SLC12A6: variants seen among roughly 807,000 people sequenced by gnomAD.
SLC12A6 encodes the protein K-Cl cotransporter 3.
In SLC12A6, 66 loss-of-function variants were observed where a neutral mutation model predicts 135.3. That is an observed-to-expected ratio of 0.49 (90% CI 0.40 to 0.60). The LOEUF is 0.60. Among genes scored for constraint, SLC12A6 ranks in the 20% least tolerant of loss-of-function variants. SLC12A6 has a pLI of 0.00. For synonymous variants in SLC12A6, 513 were observed against 508.8 expected (o/e 1.01, Z -0.11); for missense variants, 1,058 against 1,452.3 (o/e 0.73, Z 4.41).
At chr15:34,292,249 G>A (rs1300565950) in intron 2 of SLC12A6, among the ~76,000 whole-genome samples, 1 of 152,126 alleles carries the variant, frequency 6.6e-6, no homozygotes, top group East Asian at 1.9e-4. Context: ...AGGCCACTCA[G>A]CTGCAGGTCT....
intron 13 of SLC12A6, among the ~76,000 whole-genome samples, chr15:34,249,871 A>G (rs966956762): frequency 6.6e-6 from 1 of 152,128 alleles, no homozygotes; most frequent in African/African-American, 2.4e-5. Context: ...CTACATTCAT[A>G]TATTTTCTTA....
At position 34,337,436 on chromosome 15, in the gene SLC12A6, G is replaced by A. The variant is rs191457113; in HGVS notation, c.-177C>T. On this transcript the variant is annotated 5_prime_UTR_variant, in exon 1 of 26. Transcript: ENST00000354181. The stretch of plus-strand genomic sequence containing the variant: ...CGCCCGCTCTTCTCCTAGCAGAAAG[G>A]TCCTCGGGGTCTGGGAGGAGGTTAG... The A allele has an allele frequency of 1.3e-5, 2 of 153,638 alleles. No homozygotes were observed. The highest frequency in any genetic ancestry group is 1.3e-4 in the Admixed American group (2 of 15,438). 9.5% of individuals were successfully genotyped at this position (153,638 alleles called of 1,614,324 possible).
chr15:34,272,251 G>A (rs950613810), intron 3 of SLC12A6, among the ~76,000 whole-genome samples: 4 of 152,150 alleles, frequency 2.6e-5, no homozygotes, highest in Non-Finnish European at 4.4e-5. Context: ...TTACAGGCGT[G>A]GTGAACCACG....
intron 3 of SLC12A6, among the ~76,000 whole-genome samples, chr15:34,263,450 T>C (rs1357966320): frequency 6.6e-6 from 1 of 152,030 alleles, no homozygotes; most frequent in Non-Finnish European, 1.5e-5. Context: ...GAAAAAAAAT[T>C]ATGTCATTTA....
chr15:34,251,198 TAC>T (rs1437759303), intron 10 of SLC12A6, 141 bp from the exon 11 acceptor site: 1 of 678,290 alleles, frequency 1.5e-6, no homozygotes, highest in Non-Finnish European at 2.6e-6. Flanking sequence ...AGCACATGTA[TAC>T]ACACACATTG....
At chr15:34,242,300 C>A in intron 16 of SLC12A6, 79 bp from the exon 17 acceptor site, 1 of 1,008,532 alleles carries the variant, frequency 9.9e-7, no homozygotes, top group Non-Finnish European at 1.6e-6. Flanking sequence ...CTCAAACTAT[C>A]TGTGGTGAGG....
intron 3 of SLC12A6, among the ~76,000 whole-genome samples, chr15:34,266,480 C>T (rs376932540): frequency 3.4e-4 from 52 of 152,066 alleles, no homozygotes; most frequent in African/African-American, 1.2e-3. Context: ...CTCACTCTTA[C>T]GCCCAGGCTG....
At position 34,261,038 on chromosome 15, in the gene SLC12A6, G is replaced by A; in HGVS notation, c.317-18C>T. 7.8e-7 allele frequency: 1 copy of A among 1,283,048 alleles called. No homozygotes were observed. The highest frequency in any genetic ancestry group is 1.2e-5 in the South Asian group (1 of 84,308). The allele number at this position is 1,283,048 out of a possible 1,614,324, so 79.5% of individuals were successfully genotyped here. ...TCCGTCGTCTGGAAAAAAAAAAGTA[G>A]ACCAAGTTAGTTTCTCACTGGTTTC... On this transcript the variant is annotated intron_variant, in intron 3 of 25. Coordinates refer to ENST00000354181, the MANE Select transcript of SLC12A6 (RefSeq NM_001365088.1).
At chr15:34,262,953 G>A (rs927494888) in intron 3 of SLC12A6, among the ~76,000 whole-genome samples, 10 of 152,178 alleles carry the variant, frequency 6.6e-5, no homozygotes, top group Non-Finnish European at 1.3e-4. Flanking sequence ...GCAAAGCCTG[G>A]GCATGGATGT....
intron 2 of SLC12A6, among the ~76,000 whole-genome samples, chr15:34,318,408 A>T (rs1201010433): frequency 6.6e-6 from 1 of 152,258 alleles, no homozygotes; most frequent in African/African-American, 2.4e-5. Flanking sequence ...AGAAGCTATC[A>T]GATACACAGG....
At chr15:34,234,005 A>G (rs764043055) in intron 25 of SLC12A6, 33 bp from the exon 26 acceptor site, 1 of 1,133,846 alleles carries the variant, frequency 8.8e-7, no homozygotes, top group Admixed American at 1.7e-5. Context: ...AGGCAAAAGA[A>G]GAGCACAAAC....
Position 34,241,862 on chromosome 15 carries a change from AATT to A in SLC12A6, c.2162+237_2162+239del, listed in dbSNP as rs1566804355. Among the ~76,000 whole-genome samples, 12 of 152,298 alleles carry A rather than the reference AATT, an allele frequency of 7.9e-5. No individual in the cohort carries two copies. In the South Asian group the frequency reaches 2.3e-3, roughly 29 times the overall value. ...TTTGTGTTGTACTTTGTTTAGTACT[AATT>A]ATTATTATTTGGAAATGTCCTTTGT... On this transcript the variant is annotated intron_variant, in intron 17 of 25. Coordinates refer to ENST00000354181, the MANE Select transcript of SLC12A6 (RefSeq NM_001365088.1).
intron 13 of SLC12A6, among the ~76,000 whole-genome samples, chr15:34,247,352 C>T (rs920477175): frequency 6.6e-6 from 1 of 151,916 alleles, no homozygotes; most frequent in Admixed American, 6.6e-5. Flanking sequence ...CCCATCTCTA[C>T]TAAAAATACA....
intron 3 of SLC12A6, among the ~76,000 whole-genome samples, chr15:34,262,349 C>A (rs1420554721): frequency 6.6e-6 from 1 of 152,140 alleles, no homozygotes; most frequent in Admixed American, 6.5e-5. Context: ...TGAGAGAGAC[C>A]ACCCTCGCAT....
At chr15:34,303,117 G>A (rs916358479) in intron 2 of SLC12A6, among the ~76,000 whole-genome samples, 2 of 152,080 alleles carry the variant, frequency 1.3e-5, no homozygotes, top group African/African-American at 4.8e-5. Context: ...TTAACAAGAA[G>A]GGGAGAAAAT....
intron 25 of SLC12A6, 44 bp from the exon 26 acceptor site, chr15:34,234,016 T>G (rs764468587): frequency 8.1e-5 from 79 of 975,762 alleles, no homozygotes; most frequent in Non-Finnish European, 1.2e-4. Flanking sequence ...GAGCACAAAC[T>G]TAAAACCTGG....
chr15:34,247,931 C>G (rs1233355323), intron 13 of SLC12A6, among the ~76,000 whole-genome samples: 2 of 152,168 alleles, frequency 1.3e-5, no homozygotes, highest in Admixed American at 1.3e-4. Context: ...CTGGGAACTC[C>G]TGACCTCAAA....
chr15:34,293,941 G>C (rs1339796909), intron 2 of SLC12A6, among the ~76,000 whole-genome samples: 1 of 152,108 alleles, frequency 6.6e-6, no homozygotes, highest in Non-Finnish European at 1.5e-5. Context: ...TTGAAATAGA[G>C]AATCACACAC....
intron 2 of SLC12A6, among the ~76,000 whole-genome samples, chr15:34,311,337 AT>A (rs1282094887): frequency 6.6e-6 from 1 of 152,154 alleles, no homozygotes; most frequent in African/African-American, 2.4e-5. Flanking sequence ...TAATACATAT[AT>A]TTTTAGGCTA....
Sources: gnomAD v4.1 joint callset for allele counts (sites outside exome capture counted in the v4.1 genomes callset) on GRCh38, gnomAD v4.1.1 for gene constraint, MANE v1.5 for transcripts, NCBI Gene and HGNC (gene_info 2026-07-23, HGNC 2026-07-21) for gene names.